Variants in SLC60A1 observed in about 807,000 individuals in gnomAD.
The protein encoded by SLC60A1 is major facilitator superfamily domain containing 4.
At chr1:205,598,460 G>A in the SLC60A1 span, 2 of 152,940 alleles carry the variant, frequency 1.3e-5, no homozygotes, top group African/African-American at 4.8e-5. Context: ...CTTACCCTAG[G>A]TCAGTCACAC....
the SLC60A1 span, among the ~76,000 whole-genome samples, chr1:205,589,587 T>C: frequency 1.3e-5 from 2 of 152,246 alleles, no homozygotes; most frequent in African/African-American, 4.8e-5. Context: ...CATTTCCATC[T>C]AACATAGCTT....
chr1:205,590,452 C>G, the SLC60A1 span, among the ~76,000 whole-genome samples: 5 of 152,206 alleles, frequency 3.3e-5, no homozygotes, highest in Non-Finnish European at 7.3e-5. Flanking sequence ...CTCCTTCGGC[C>G]ACTGTTTTGT....
chr1:205,600,311 GAAAC>G, the SLC60A1 span: 3 of 1,330,440 alleles, frequency 2.3e-6, no homozygotes, highest in Non-Finnish European at 3.2e-6. Context: ...GAATGGCAGA[GAAAC>G]AAACAGCCTG....
chr1:205,570,374 G>A, the SLC60A1 span, among the ~76,000 whole-genome samples: 3 of 152,282 alleles, frequency 2.0e-5, no homozygotes, highest in East Asian at 1.9e-4. Context: ...GCAAGCAGCC[G>A]GCCTGGAGAA....
chr1:205,569,060 A>G, the SLC60A1 span: 2 of 1,445,718 alleles, frequency 1.4e-6, no homozygotes, highest in African/African-American at 3.0e-5. Context: ...CGAGCCCGTC[A>G]GCCTGCGCCA....
the SLC60A1 span, chr1:205,584,750 A>G: frequency 8.8e-6 from 7 of 793,152 alleles, no homozygotes; most frequent in East Asian, 1.5e-4. Flanking sequence ...AAAGGTCGTG[A>G]AAGTAGAGGC....
chr1:205,580,907 A>G, the SLC60A1 span: 6 of 1,613,604 alleles, frequency 3.7e-6, no homozygotes, highest in Non-Finnish European at 5.1e-6. This position sits in a 1 kb window ranked among gnomAD's most constrained non-coding sequence, Gnocchi z 5.0. Context: ...CTTCTGGATC[A>G]TGGCCCTCAT....
At chr1:205,592,367 T>C in the SLC60A1 span, 3 of 972,372 alleles carry the variant, frequency 3.1e-6, no homozygotes, top group Non-Finnish European at 3.9e-6. Flanking sequence ...CTCTCTGTGC[T>C]CTTTTTTTTT....
At chr1:205,593,679 T>C in the SLC60A1 span, among the ~76,000 whole-genome samples, 1 of 152,164 alleles carries the variant, frequency 6.6e-6, no homozygotes, top group Non-Finnish European at 1.5e-5. Context: ...TGTTTTGTTT[T>C]CAAAATGGAA....
the SLC60A1 span, chr1:205,579,737 C>A: frequency 6.2e-7 from 1 of 1,613,962 alleles, no homozygotes; most frequent in Non-Finnish European, 8.5e-7. Context: ...TGACATCACC[C>A]TTCCCTCCTG....
the SLC60A1 span, among the ~76,000 whole-genome samples, chr1:205,593,453 C>CAA: frequency 0.052 from 4,338 of 83,198 alleles, 183 homozygotes; most frequent in East Asian, 0.26. Context: ...GACTCTGTCT[C>CAA]AAAAAAAAAA....
the SLC60A1 span, chr1:205,599,337 AACGTGCCAGAAACG>A: frequency 5.3e-6 from 8 of 1,523,140 alleles, no homozygotes; most frequent in Admixed American, 1.6e-4. Flanking sequence ...TATGGATCTT[AACGTGCCAGAAACG>A]CTGCTCTGTT....
chr1:205,583,968 T>C, the SLC60A1 span: 3 of 1,613,540 alleles, frequency 1.9e-6, no homozygotes, highest in Non-Finnish European at 2.5e-6. Context: ...CCAGTGCCCA[T>C]GGCTGTGCTG....
At chr1:205,595,960 A>C in the SLC60A1 span, among the ~76,000 whole-genome samples, 1 of 152,100 alleles carries the variant, frequency 6.6e-6, no homozygotes, top group Non-Finnish European at 1.5e-5. Flanking sequence ...AGGGGATGGG[A>C]TGTGAGCTGG....
At chr1:205,585,976 G>T in the SLC60A1 span, 1 of 1,506,478 alleles carries the variant, frequency 6.6e-7, no homozygotes, top group South Asian at 1.4e-5. This position sits in a 1 kb window ranked among gnomAD's most constrained non-coding sequence, Gnocchi z 4.2. Flanking sequence ...CTCCCTTTGT[G>T]AGGGTCATTG....
chr1:205,579,994 T>A, the SLC60A1 span: 277,522 of 1,575,726 alleles, frequency 0.18, 25,228 homozygotes, highest in Admixed American at 0.26. Flanking sequence ...GGGGAGGGCA[T>A]GGGAGCTCCC....
At chr1:205,579,294 G>A in the SLC60A1 span, among the ~76,000 whole-genome samples, 12 of 150,758 alleles carry the variant, frequency 8.0e-5, no homozygotes, top group Non-Finnish European at 1.5e-4. Flanking sequence ...GGCAGCCAGC[G>A]CCAATTCCTG....
At chr1:205,580,629 A>ACC in the SLC60A1 span, 10 of 639,776 alleles carry the variant, frequency 1.6e-5, no homozygotes, top group Admixed American at 3.4e-5. The surrounding 1 kb of genome is among the most constrained non-coding windows in gnomAD (Gnocchi z 5.0). Flanking sequence ...ACTGACCCCC[A>ACC]CCCCCACCCG....
At chr1:205,579,675 C>T in the SLC60A1 span, 2 of 1,537,458 alleles carry the variant, frequency 1.3e-6, no homozygotes, top group Non-Finnish European at 1.8e-6. Flanking sequence ...GCTGCCCAGA[C>T]CACCCAGTGA....
Sources: allele counts gnomAD v4.1 joint callset (sites outside exome capture counted in the v4.1 genomes callset), GRCh38; gene constraint gnomAD v4.1.1; non-coding constraint Gnocchi (gnomAD v3.1); transcripts MANE v1.5; gene names NCBI Gene and HGNC (gene_info 2026-07-23, HGNC 2026-07-21).